Variants in SENP5 observed in about 807,000 individuals in gnomAD.
SENP5 encodes the protein SUMO specific peptidase 5.
A neutral mutation model predicts 74.2 loss-of-function variants in SENP5; 21 were observed. The observed-to-expected ratio is 0.28, with a 90% CI of 0.20 to 0.41. The LOEUF (loss-of-function observed/expected upper bound fraction) is 0.41, where lower values mean the gene tolerates loss of function less well. Among genes scored for constraint, SENP5 ranks in the 10% least tolerant of loss-of-function variants. SENP5 has a pLI of 1.00. For synonymous variants in SENP5, 311 were observed against 312.7 expected (o/e 0.99, Z 0.06); for missense variants, 717 against 889.1 (o/e 0.81, Z 2.46).
At chr3:196,909,477 A>G (rs1274864824) in intron 6 of SENP5, among the ~76,000 whole-genome samples, 2 of 152,232 alleles carry the variant, frequency 1.3e-5, no homozygotes, top group African/African-American at 2.4e-5. Context: ...TTTCAGGCCA[A>G]TATCCCTGAT....
At chr3:196,873,068 A>G (rs1577787832) in intron 1 of SENP5, among the ~76,000 whole-genome samples, 1 of 119,262 alleles carries the variant, frequency 8.4e-6, no homozygotes, top group South Asian at 2.5e-4. Context: ...TTGAGATTTA[A>G]CTTTTTTTTT....
intron 2 of SENP5, among the ~76,000 whole-genome samples, chr3:196,887,641 T>A (rs923008612): frequency 1.3e-5 from 2 of 152,086 alleles, no homozygotes; most frequent in Non-Finnish European, 2.9e-5. Context: ...AATGTTTAAT[T>A]GCTGATTATA....
intron 1 of SENP5, among the ~76,000 whole-genome samples, chr3:196,882,613 T>C (rs891116804): frequency 2.0e-5 from 3 of 152,114 alleles, no homozygotes; most frequent in Non-Finnish European, 2.9e-5. Flanking sequence ...AGGCAATTCC[T>C]GTGCCTCAGC....
At chr3:196,903,182 C>A (rs1303970005) in intron 5 of SENP5, among the ~76,000 whole-genome samples, 3 of 152,100 alleles carry the variant, frequency 2.0e-5, no homozygotes, top group Non-Finnish European at 4.4e-5. Flanking sequence ...CTCTGGTGCC[C>A]ATGCTGGAGT....
Position 196,903,606 on chromosome 3 carries a change from A to C in SENP5, c.1880A>C (p.Lys627Thr). Residue 627 changes from lysine to threonine, a missense_variant, in exon 6 of 10, where the codon AAA (lysine) becomes ACA (threonine). Physicochemically the swap from Lys to Thr is moderately conservative, Grantham distance 78. Transcript: ENST00000323460. ...TATAATGGAGTAAAAAGATGGACTA[A>C]AAAGGTATTCTCTTTATTTCTTTTT... ...KGYNGVKRWT[K>T]KVDLFKKSLL... is the part of the protein sequence containing the mutation. 6.3e-7 allele frequency: 1 copy of C among 1,577,372 alleles called. No individual in the cohort carries two copies. Among genetic ancestry groups the C allele is most frequent in the Non-Finnish European group, 8.6e-7 (1 of 1,158,494 alleles).
chr3:196,873,483 CA>C (rs1235610052), intron 1 of SENP5, among the ~76,000 whole-genome samples: 2 of 152,010 alleles, frequency 1.3e-5, no homozygotes, highest in Non-Finnish European at 2.9e-5. Flanking sequence ...TTTAAAAAAA[CA>C]AAAGCCCTTC....
rs1324161321 is a variant in SENP5, at chr3:196,934,191, A to G, written c.*3268A>G. ...AATTATGTTTTTGGCTGTGCATTCTATTTTCTACATAGCACTGAATCTGAG... is the reference window on the plus strand; with the variant it reads ...AATTATGTTTTTGGCTGTGCATTCTGTTTTCTACATAGCACTGAATCTGAG... On this transcript the variant is annotated 3_prime_UTR_variant, in exon 10 of 10. Coordinates refer to ENST00000323460, the MANE Select transcript of SENP5 (RefSeq NM_152699.5). 1 of 152,150 alleles carries G rather than the reference A, an allele frequency of 6.6e-6. No individual in the cohort carries two copies. The highest frequency in any genetic ancestry group is 1.5e-5 in the Non-Finnish European group (1 of 68,036). The allele number at this position is 152,150 out of a possible 1,614,324, so 9.4% of individuals were successfully genotyped here. A position where few individuals can be genotyped will look rare whatever the true frequency, so the allele number is the denominator to read the frequency against.
intron 6 of SENP5, among the ~76,000 whole-genome samples, chr3:196,908,629 G>A (rs190304398): frequency 2.0e-5 from 3 of 152,242 alleles, no homozygotes; most frequent in Admixed American, 1.3e-4. Context: ...TTTGAGATGA[G>A]CCTGACCAAC....
At chr3:196,920,244 T>C (rs914356450) in intron 6 of SENP5, among the ~76,000 whole-genome samples, 4 of 152,244 alleles carry the variant, frequency 2.6e-5, no homozygotes, top group Non-Finnish European at 5.9e-5. Flanking sequence ...ATCTGTAATT[T>C]TTAGTGTATA....
chr3:196,922,359 A>G (rs568494766), intron 6 of SENP5, among the ~76,000 whole-genome samples: 14 of 152,346 alleles, frequency 9.2e-5, no homozygotes, highest in South Asian at 6.2e-4. Context: ...TTCAGAGCCC[A>G]TGATCTTAAC....
intron 2 of SENP5, among the ~76,000 whole-genome samples, chr3:196,897,307 G>A (rs1308286600): frequency 6.6e-6 from 1 of 152,210 alleles, no homozygotes; most frequent in Non-Finnish European, 1.5e-5. Context: ...GTAACTGTAA[G>A]ATGTGAAATA....
At chr3:196,872,952 C>G (rs917268539) in intron 1 of SENP5, among the ~76,000 whole-genome samples, 6 of 152,000 alleles carry the variant, frequency 3.9e-5, no homozygotes, top group African/African-American at 1.2e-4. Context: ...ATCATTTGAC[C>G]AATCCTTTTA....
intron 6 of SENP5, among the ~76,000 whole-genome samples, chr3:196,918,462 C>T (rs1317771380): frequency 6.6e-6 from 1 of 150,452 alleles, no homozygotes; most frequent in Admixed American, 6.6e-5. Context: ...GTTTGCAAGC[C>T]TCATGAGGCT....
At chr3:196,915,842 G>T (rs1450561644) in intron 6 of SENP5, among the ~76,000 whole-genome samples, 1 of 152,226 alleles carries the variant, frequency 6.6e-6, no homozygotes, top group African/African-American at 2.4e-5. Flanking sequence ...GTCTTACTGG[G>T]CTTGGGGCTC....
chr3:196,881,475 C>T (rs150938648), intron 1 of SENP5, among the ~76,000 whole-genome samples: 1,669 of 152,236 alleles, frequency 0.011, 22 homozygotes, highest in African/African-American at 0.032. Context: ...TTCTTCCCCA[C>T]CAAGAGAATG....
chr3:196,879,897 AC>A (rs1362016432), intron 1 of SENP5, among the ~76,000 whole-genome samples: 2 of 152,194 alleles, frequency 1.3e-5, no homozygotes, highest in Non-Finnish European at 2.9e-5. Flanking sequence ...GCAAAATATT[AC>A]AGTTTTTCTA....
intron 6 of SENP5, among the ~76,000 whole-genome samples, chr3:196,910,441 G>T (rs1203444438): frequency 1.4e-5 from 2 of 143,854 alleles, no homozygotes; most frequent in Non-Finnish European, 3.0e-5. Flanking sequence ...CCACTTCCCG[G>T]GTTCAAGCAA....
rs540139093 is a variant in SENP5 at position 196,903,841 on chromosome 3, C to A, written c.1884+231C>A. ...GGGATGATAAAGAAGGAGCTGCCAT[C>A]ATTTGGTGTTATCTGGTAGGCTTGT... On this transcript the variant is annotated intron_variant, in intron 6 of 9. Coordinates refer to ENST00000323460, the MANE Select transcript of SENP5 (RefSeq NM_152699.5). 1.7e-3 allele frequency among the ~76,000 whole-genome samples: 254 copies of A among 152,352 alleles called. 1 individual carries two copies. The highest frequency in any genetic ancestry group is 3.8e-3 in the Admixed American group (58 of 15,294).
chr3:196,891,787 A>C (rs1323561823), intron 2 of SENP5, among the ~76,000 whole-genome samples: 1 of 152,072 alleles, frequency 6.6e-6, no homozygotes, highest in Non-Finnish European at 1.5e-5. Context: ...TGACAGCAAG[A>C]CCTTGTCTCT....
Sources: gnomAD v4.1 joint callset for allele counts (sites outside exome capture counted in the v4.1 genomes callset) on GRCh38, gnomAD v4.1.1 for gene constraint, MANE v1.5 for transcripts, NCBI Gene and HGNC (gene_info 2026-07-23, HGNC 2026-07-21) for gene names.